Variants in N4BP2 observed in about 807,000 individuals in gnomAD.
N4BP2 encodes NEDD4-binding protein 2.
In N4BP2, 91 loss-of-function variants were observed where a neutral mutation model predicts 152.8. That is an observed-to-expected ratio of 0.60 (90% CI 0.50 to 0.71). N4BP2 has a LOEUF of 0.71. N4BP2 is among the 30% of genes least tolerant of loss of function. N4BP2 has a pLI of 0.00. For synonymous variants in N4BP2, 646 were observed against 705.3 expected (o/e 0.92, Z 1.33); for missense variants, 1,923 against 2,059.1 (o/e 0.93, Z 1.28).
chr4:40,127,008 C>T (rs1560623180), intron 12 of N4BP2, among the ~76,000 whole-genome samples: 1 of 151,958 alleles, frequency 6.6e-6, no homozygotes. Flanking sequence ...AGCCACCTGC[C>T]TTAGCCTCCT....
chr4:40,104,863 G>A lies in N4BP2; in HGVS notation c.1373+1645G>A, dbSNP rs554095164. Among the ~76,000 whole-genome samples, 104 of 150,978 alleles carry A rather than the reference G, an allele frequency of 6.9e-4. No individual in the cohort carries two copies. In the Middle Eastern group the frequency reaches 0.024, roughly 35 times the overall value. On this transcript the variant is annotated intron_variant, in intron 4 of 17. Transcript: ENST00000261435. ...TCTGTCGCCCAGGCTAGAGTGCAGT[G>A]GTGCGATCTCGGCTCACTGCAAGCT...
At chr4:40,106,487 T>C (rs1476274100) in intron 4 of N4BP2, among the ~76,000 whole-genome samples, 1 of 152,136 alleles carries the variant, frequency 6.6e-6, no homozygotes, top group East Asian at 1.9e-4. Context: ...TGCCTAATTT[T>C]TGTCTTTTTT....
At chr4:40,184,121 C>T in the N4BP2 span, among the ~76,000 whole-genome samples, 1 of 152,146 alleles carries the variant, frequency 6.6e-6, no homozygotes, top group Non-Finnish European at 1.5e-5. Flanking sequence ...AACATTTTGT[C>T]CATCTCAAAA....
In N4BP2 at chr4:40,103,133, G is replaced by C. The variant is rs1715870650; in HGVS notation, c.1288G>C (p.Val430Leu). Residue 430 changes from valine (V) to leucine (L), a missense_variant, in exon 4 of 18, where the codon GTT (valine) becomes CTT (leucine). By Grantham distance (32) the Val-to-Leu change is conservative (BLOSUM62 1). Transcript: ENST00000261435. ...YQVQETPVSQ[V>L]VRKKTSYVGL... is the part of the protein sequence containing the mutation. The stretch of plus-strand genomic sequence containing the variant: ...AGTACAAGAAACCCCAGTTTCTCAG[G>C]TTGTAAGAAAGAAGACATCTTACGT... 6.2e-7 allele frequency: 1 copy of C among 1,614,048 alleles called. No homozygotes were observed. The highest frequency in any genetic ancestry group is 1.7e-5 in the Admixed American group (1 of 60,028).
the N4BP2 span, among the ~76,000 whole-genome samples, chr4:40,180,043 C>T: frequency 1.3e-5 from 2 of 152,108 alleles, no homozygotes; most frequent in Admixed American, 6.5e-5. Flanking sequence ...GGATTACAGG[C>T]ATGAGCCACC....
the N4BP2 span, among the ~76,000 whole-genome samples, chr4:40,183,018 C>A: frequency 6.6e-6 from 1 of 152,146 alleles, no homozygotes; most frequent in Non-Finnish European, 1.5e-5. Flanking sequence ...TAAGTTCCAA[C>A]ATTTAGAAAA....
chr4:40,136,635 GC>G (rs1481847990), intron 13 of N4BP2, among the ~76,000 whole-genome samples: 2 of 152,102 alleles, frequency 1.3e-5, no homozygotes, highest in Admixed American at 1.3e-4. Flanking sequence ...TGATCCACCC[GC>G]CTCGGCCCCC....
downstream of N4BP2, among the ~76,000 whole-genome samples, chr4:40,161,452 T>C (rs924782682): frequency 6.6e-6 from 1 of 152,218 alleles, no homozygotes; most frequent in African/African-American, 2.4e-5. Flanking sequence ...AAGAGGCTTA[T>C]ACCAGTTGCA....
the N4BP2 span, among the ~76,000 whole-genome samples, chr4:40,168,089 A>C: frequency 6.6e-6 from 1 of 152,294 alleles, no homozygotes; most frequent in Middle Eastern, 3.4e-3. Flanking sequence ...GCATAGTGTC[A>C]TTTTGAAATT....
At chr4:40,150,511 A>G (rs1721051597) in intron 16 of N4BP2, among the ~76,000 whole-genome samples, 1 of 152,148 alleles carries the variant, frequency 6.6e-6, no homozygotes, top group Non-Finnish European at 1.5e-5. Flanking sequence ...CACTAATAAT[A>G]TACAAAAATA....
In N4BP2 at chr4:40,144,668, C is replaced by T. The variant is rs1720342968; in HGVS notation, c.5011C>T (p.His1671Tyr). Residue 1671 changes from histidine to tyrosine, a missense_variant, in exon 16 of 18, where the codon CAC becomes TAC. Coordinates refer to ENST00000261435, the MANE Select transcript of N4BP2 (RefSeq NM_018177.6). ...LHEQKMKEAN[H>Y]LAAIEIFEKV... Reference sequence around the variant, plus strand: ...TGAGCAGAAGATGAAAGAAGCCAATCACCTTGCTGCCATAGAGATCTTTGA... The same window carrying T: ...TGAGCAGAAGATGAAAGAAGCCAATTACCTTGCTGCCATAGAGATCTTTGA... 6.2e-7 allele frequency: 1 copy of T among 1,613,378 alleles called. No homozygotes were observed. The highest frequency in any genetic ancestry group is 1.3e-5 in the African/African-American group (1 of 74,882).
rs1043631324 is a variant in N4BP2, at chr4:40,155,486, G to A, written c.*1249G>A. On this transcript the variant is annotated 3_prime_UTR_variant, in exon 18 of 18. Transcript: ENST00000261435. ...TTTAAAATATTTTCACTTTTATTTTGAAAAAGAGCCAACTTTCTCAAAGGA... is the reference window on the plus strand; with the variant it reads ...TTTAAAATATTTTCACTTTTATTTTAAAAAAGAGCCAACTTTCTCAAAGGA... 6.6e-6 allele frequency: 1 copy of A among 151,850 alleles called. No individual in the cohort carries two copies. Among genetic ancestry groups the A allele is most frequent in the African/African-American group, 2.4e-5 (1 of 41,344 alleles). The allele number at this position is 151,850 out of a possible 1,614,324, so 9.4% of individuals were successfully genotyped here.
In N4BP2 at chr4:40,102,940, A is replaced by G. The variant is rs1043375085; in HGVS notation, c.1095A>G (p.Pro365=). Residue 365 remains proline (P), a synonymous_variant, in exon 4 of 18, where the codon CCA becomes CCG. Transcript: ENST00000261435. ...PPPPPPPMWN[P]MIPAFDLFQG... Reference sequence around the variant, plus strand: ...CGCCACCTCCACCGATGTGGAATCCAATGATTCCTGCTTTTGACCTCTTCC... The same window carrying G: ...CGCCACCTCCACCGATGTGGAATCCGATGATTCCTGCTTTTGACCTCTTCC... 2 of 1,614,168 alleles carry G rather than the reference A, an allele frequency of 1.2e-6. No individual in the cohort carries two copies. The highest frequency in any genetic ancestry group is 1.7e-6 in the Non-Finnish European group (2 of 1,180,042).
intron 14 of N4BP2, among the ~76,000 whole-genome samples, chr4:40,137,882 G>C (rs1356497338): frequency 6.6e-6 from 1 of 152,188 alleles, no homozygotes; most frequent in East Asian, 1.9e-4. Context: ...CTGATACTCG[G>C]GGGCAGGTGG....
chr4:40,099,434 A>G (rs1206106771), intron 3 of N4BP2, among the ~76,000 whole-genome samples: 2 of 151,682 alleles, frequency 1.3e-5, no homozygotes, highest in African/African-American at 4.8e-5. Flanking sequence ...TTTTTAGTAG[A>G]GAATGGGGTT....
chr4:40,108,337 A>G (rs371726719), intron 5 of N4BP2, among the ~76,000 whole-genome samples: 1 of 149,116 alleles, frequency 6.7e-6, no homozygotes, highest in African/African-American at 2.5e-5. Context: ...TTTTGAGACG[A>G]AGTCTTGCTT....
chr4:40,161,844 G>A (rs1721869167), downstream of N4BP2, among the ~76,000 whole-genome samples: 1 of 152,186 alleles, frequency 6.6e-6, no homozygotes, highest in African/African-American at 2.4e-5. Flanking sequence ...TCTAGACCTG[G>A]CTCTGGGGAT....
At position 40,145,214 on chromosome 4, in the gene N4BP2, G is replaced by GT. The variant is rs374519077; in HGVS notation, c.5143+421dup. Among the ~76,000 whole-genome samples, 295 of 149,200 alleles carry GT rather than the reference G, an allele frequency of 2.0e-3. 2 individuals are homozygous for GT. The highest frequency in any genetic ancestry group is 0.011 in the East Asian group (55 of 5,114). The stretch of plus-strand genomic sequence containing the variant: ...GTGATAGGATTCTCCCACTCCAGTA[G>GT]TTTTTTTGTTTGTTTGTTTCTTTTT... On this transcript the variant is annotated intron_variant, in intron 16 of 17. Coordinates refer to ENST00000261435, the MANE Select transcript of N4BP2 (RefSeq NM_018177.6).
At chr4:40,153,004 C>A in intron 17 of N4BP2, 101 bp downstream of exon 17, 1 of 1,128,142 alleles carries the variant, frequency 8.9e-7, no homozygotes, top group Non-Finnish European at 1.3e-6. Flanking sequence ...ATAGCAATAG[C>A]CCTAATATAG....
Sources: allele counts gnomAD v4.1 joint callset (sites outside exome capture counted in the v4.1 genomes callset), GRCh38; gene constraint gnomAD v4.1.1; transcripts MANE v1.5; gene names NCBI Gene and HGNC (gene_info 2026-07-23, HGNC 2026-07-21).